The following PMFBP1 variants were observed in gnomAD, a reference collection of about 807,000 sequenced individuals.
PMFBP1 encodes the protein polyamine-modulated factor 1-binding protein 1.
In PMFBP1, 131 loss-of-function variants were observed where a neutral mutation model predicts 137.8. That is an observed-to-expected ratio of 0.95 (90% CI 0.82 to 1.10). The LOEUF is 1.10. PMFBP1 is among the 50% of genes least tolerant of loss of function. PMFBP1 has a pLI of 0.00. For synonymous variants in PMFBP1, 490 were observed against 450.4 expected (o/e 1.09, Z -1.11); for missense variants, 1,199 against 1,175.4 (o/e 1.02, Z -0.29).
upstream of PMFBP1, among the ~76,000 whole-genome samples, chr16:72,174,281 C>T (rs1261517947): frequency 6.6e-6 from 1 of 152,120 alleles, no homozygotes; most frequent in Non-Finnish European, 1.5e-5. Flanking sequence ...TTTGTTTAGC[C>T]CCATTTTCAC....
chr16:72,210,525 G>A, the PMFBP1 span, among the ~76,000 whole-genome samples: 1 of 152,166 alleles, frequency 6.6e-6, no homozygotes, highest in Non-Finnish European at 1.5e-5. Context: ...CCTGCTGGGG[G>A]ACACCTCAGA....
At chr16:72,165,677 C>A (rs968495849) in intron 2 of PMFBP1, among the ~76,000 whole-genome samples, 5 of 152,066 alleles carry the variant, frequency 3.3e-5, no homozygotes, top group Admixed American at 6.5e-5. Flanking sequence ...CTTGGCCTCC[C>A]AAAGTGCTGG....
the PMFBP1 span, among the ~76,000 whole-genome samples, chr16:72,182,352 C>T: frequency 6.6e-6 from 1 of 152,036 alleles, no homozygotes; most frequent in Non-Finnish European, 1.5e-5. Context: ...AAAAGTGAGC[C>T]AGGCATGGTG....
At chr16:72,185,942 T>C in the PMFBP1 span, among the ~76,000 whole-genome samples, 1 of 152,148 alleles carries the variant, frequency 6.6e-6, no homozygotes, top group African/African-American at 2.4e-5. Flanking sequence ...TAATCTGATA[T>C]TGAATTATAA....
Position 72,128,786 on chromosome 16 carries a change from C to G in PMFBP1, c.1959G>C (p.Glu653Asp), listed in dbSNP as rs1213683136. The change falls in exon 14 of 21, where the codon GAG becomes GAC. Residue 653 changes from glutamate to aspartate, a missense_variant. Coordinates refer to ENST00000237353, the MANE Select transcript of PMFBP1 (RefSeq NM_031293.3). The part of the protein sequence containing the change: ...EFKKKDKTLK[E>D]NSRKLEEENE... Reference sequence around the variant, plus strand: ...TTTCTTCCTCCAACTTTCTGGAATTCTCTTTCAACTGTTCCCTCATTAAAG... The same window carrying G: ...TTTCTTCCTCCAACTTTCTGGAATTGTCTTTCAACTGTTCCCTCATTAAAG... 1 of 1,614,056 alleles carries G rather than the reference C, an allele frequency of 6.2e-7. No individual in the cohort carries two copies. Among genetic ancestry groups the G allele is most frequent in the East Asian group, 2.2e-5 (1 of 44,894 alleles).
intron 5 of PMFBP1, among the ~76,000 whole-genome samples, chr16:72,143,116 T>A (rs2042747834): frequency 6.6e-6 from 1 of 152,188 alleles, no homozygotes; most frequent in African/African-American, 2.4e-5. Flanking sequence ...CTGATAAAAT[T>A]CAACATTCAT....
chr16:72,225,331 C>T, the PMFBP1 span, among the ~76,000 whole-genome samples: 2 of 152,178 alleles, frequency 1.3e-5, no homozygotes, highest in Non-Finnish European at 2.9e-5. Flanking sequence ...ACTTAGTCTC[C>T]GAGGTCAAGC....
rs891590353 is a variant in PMFBP1, at chr16:72,158,112, T to G, written c.166-3653A>C. Reference sequence around the variant, plus strand: ...AGTCCAGAACCAGAAAGATGATAGCTGATTGTGTCAGTACAATCTGAATGA... The same window carrying G: ...AGTCCAGAACCAGAAAGATGATAGCGGATTGTGTCAGTACAATCTGAATGA... On this transcript the variant is annotated intron_variant, in intron 3 of 20. Coordinates refer to ENST00000237353, the MANE Select transcript of PMFBP1 (RefSeq NM_031293.3). Among the ~76,000 whole-genome samples, 3 of 152,348 alleles carry G rather than the reference T, an allele frequency of 2.0e-5. No individual in the cohort carries two copies. The South Asian group carries it at 6.2e-4, about 32-fold the overall frequency.
At chr16:72,203,830 G>T in the PMFBP1 span, among the ~76,000 whole-genome samples, 1 of 152,054 alleles carries the variant, frequency 6.6e-6, no homozygotes, top group Non-Finnish European at 1.5e-5. Flanking sequence ...ACTTCCTTAC[G>T]ACTGACCCTT....
At chr16:72,168,150 T>G (rs188200851) in intron 2 of PMFBP1, among the ~76,000 whole-genome samples, 1 of 152,350 alleles carries the variant, frequency 6.6e-6, no homozygotes, top group East Asian at 1.9e-4. Context: ...CTTAAACCAG[T>G]TGAATAACAA....
chr16:72,151,505 G>A (rs1597480937), intron 4 of PMFBP1, among the ~76,000 whole-genome samples: 1 of 152,204 alleles, frequency 6.6e-6, no homozygotes, highest in East Asian at 1.9e-4. Context: ...GCTGTAGGTA[G>A]TTGAGTGTGC....
intron 10 of PMFBP1, among the ~76,000 whole-genome samples, chr16:72,131,953 C>T (rs1288596377): frequency 6.6e-6 from 1 of 152,132 alleles, no homozygotes; most frequent in East Asian, 1.9e-4. Context: ...TCAAGTGATC[C>T]TCCCACCTCA....
chr16:72,183,803 C>T, the PMFBP1 span, among the ~76,000 whole-genome samples: 13 of 152,198 alleles, frequency 8.5e-5, no homozygotes, highest in Admixed American at 2.0e-4. Context: ...CCTCTCTGCC[C>T]CTCACTTCTC....
chr16:72,171,963 T>C (rs2043226538), intron 1 of PMFBP1, 91 bp downstream of exon 1: 1 of 152,152 alleles, frequency 6.6e-6, no homozygotes, highest in Admixed American at 6.5e-5. Context: ...GGATGATGCA[T>C]TTGAGGTCAT....
At chr16:72,176,528 C>T (rs1012415197), upstream of PMFBP1, among the ~76,000 whole-genome samples, 2 of 152,152 alleles carry the variant, frequency 1.3e-5, no homozygotes, top group African/African-American at 4.8e-5. Context: ...TGGGGACTTC[C>T]ATGAAATCTT....
At chr16:72,206,268 T>C in the PMFBP1 span, among the ~76,000 whole-genome samples, 1 of 152,228 alleles carries the variant, frequency 6.6e-6, no homozygotes, top group African/African-American at 2.4e-5. Flanking sequence ...AGATCATGCC[T>C]GTGACAGTCC....
chr16:72,211,454 C>A, the PMFBP1 span, among the ~76,000 whole-genome samples: 3 of 152,208 alleles, frequency 2.0e-5, no homozygotes, highest in African/African-American at 7.2e-5. Context: ...CCTGCTCCCA[C>A]TCCCAAAGAA....
intron 3 of PMFBP1, among the ~76,000 whole-genome samples, chr16:72,159,596 T>C (rs1366879741): frequency 6.6e-6 from 1 of 152,174 alleles, no homozygotes; most frequent in African/African-American, 2.4e-5. Flanking sequence ...TAGATATCAA[T>C]GGGTTTAGAG....
the PMFBP1 span, among the ~76,000 whole-genome samples, chr16:72,196,491 T>G: frequency 6.6e-6 from 1 of 152,186 alleles, no homozygotes; most frequent in East Asian, 1.9e-4. Flanking sequence ...TAAATCCTCA[T>G]AGGCAAAGCT....
Sources: allele counts gnomAD v4.1 joint callset (sites outside exome capture counted in the v4.1 genomes callset), GRCh38; gene constraint gnomAD v4.1.1; transcripts MANE v1.5; gene names NCBI Gene and HGNC (gene_info 2026-07-23, HGNC 2026-07-21).